The following RPL3L variants were observed in gnomAD, a reference collection of about 807,000 sequenced individuals.
The protein encoded by RPL3L is ribosomal protein L3 like.
A neutral mutation model predicts 44.5 loss-of-function variants in RPL3L; 44 were observed. The observed-to-expected ratio is 0.99, with a 90% CI of 0.78 to 1.27. The LOEUF (loss-of-function observed/expected upper bound fraction) is 1.27, where lower values mean the gene tolerates loss of function less well. Among genes scored for constraint, RPL3L ranks in the 50% most tolerant of loss-of-function variants. The pLI is 0.00. For synonymous variants in RPL3L, 292 were observed against 230.7 expected (o/e 1.27, Z -2.41); for missense variants, 631 against 569.1 (o/e 1.11, Z -1.11).
rs71394716 is a variant in RPL3L, at chr16:1,951,726, CATTATTATT to C, written c.366-756_366-748del. On this transcript the variant is annotated intron_variant, in intron 3 of 9. Coordinates refer to ENST00000268661, the MANE Select transcript of RPL3L (RefSeq NM_005061.3). ...CCTCAGCAGAGTTCTGGGAGGTGGA[CATTATTATT>C]ATTATTATTATTATTATTATTATTA... Among the ~76,000 whole-genome samples, 267 of 138,034 alleles carry C rather than the reference CATTATTATT, an allele frequency of 1.9e-3. 2 individuals carry two copies. Among genetic ancestry groups the C allele is most frequent in the South Asian group, 3.9e-3 (16 of 4,114 alleles). 90.6% of individuals were successfully genotyped at this position (138,034 alleles called of 152,430 possible).
chr16:1,951,943 T>G (rs2083174385), intron 3 of RPL3L, among the ~76,000 whole-genome samples: 1 of 151,472 alleles, frequency 6.6e-6, no homozygotes, highest in Non-Finnish European at 1.5e-5. Context: ...AAATTAGCCT[T>G]TTGGTTTTTT....
intron 2 of RPL3L, 59 bp from the exon 3 acceptor site, chr16:1,953,101 G>C (rs764816940): frequency 1.6e-4 from 243 of 1,526,106 alleles, no homozygotes; most frequent in Non-Finnish European, 2.1e-4. Context: ...GTGGGGGAGG[G>C]AGTGGAGAGC....
chr16:1,945,369 A>AAAG (rs2083113121), intron 9 of RPL3L, 130 bp downstream of exon 9: 1 of 854,830 alleles, frequency 1.2e-6, no homozygotes, highest in African/African-American at 1.9e-5. Flanking sequence ...AATAAAATAA[A>AAAG]TAAAAAAAAA....
rs768473696 is a variant in RPL3L, at chr16:1,952,958, G to A, written c.281C>T (p.Ala94Val). The A allele has an allele frequency of 1.7e-5, 27 of 1,613,564 alleles. No individual in the cohort carries two copies. Among genetic ancestry groups the A allele is most frequent in the South Asian group, 1.1e-4 (10 of 91,064 alleles). ...LVVVGVVGYV[A>V]TPRGLRSFKT... The stretch of plus-strand genomic sequence containing the variant: ...GAAGCTCCGGAGACCTCGAGGGGTG[G>A]CCACGTAGCCCACCACGCCCACCAC... Residue 94 changes from alanine to valine, a missense_variant, in exon 3 of 10, where the codon GCC becomes GTC. Ala to Val is a moderately conservative substitution (Grantham distance 64). Transcript: ENST00000268661.
rs1273312101 is a variant in RPL3L at position 1,952,943 on chromosome 16, A to G, written c.296T>C (p.Leu99Pro). Residue 99 changes from leucine (L) to proline (P), a missense_variant, in exon 3 of 10, where the codon CTC becomes CCC. By Grantham distance (98) the Leu-to-Pro change is moderately conservative. Coordinates refer to ENST00000268661, the MANE Select transcript of RPL3L (RefSeq NM_005061.3). ...VVGYVATPRG[L>P]RSFKTIFAEH... ...TGCAAAGATGGTCTTGAAGCTCCGG[A>G]GACCTCGAGGGGTGGCCACGTAGCC... 1 of 1,613,912 alleles carries G rather than the reference A, an allele frequency of 6.2e-7. No individual in the cohort carries two copies. Among genetic ancestry groups the G allele is most frequent in the Non-Finnish European group, 8.5e-7 (1 of 1,179,980 alleles).
In RPL3L at chr16:1,945,873, T is replaced by C. The variant is rs1371363012; in HGVS notation, c.1009A>G (p.Ile337Val). Reference protein sequence around the residue: ...NNDFVMLKGCIAGTKKRVITL... With the variant: ...NNDFVMLKGCVAGTKKRVITL... The stretch of plus-strand genomic sequence containing the variant: ...ATGACCCGCTTCTTGGTACCAGCAA[T>C]ACAACCCTTCAGCATGACGAAGTCG... Residue 337 changes from isoleucine (I) to valine (V), a missense_variant, in exon 8 of 10, where the codon ATT (isoleucine) becomes GTT (valine). By Grantham distance (29) the Ile-to-Val change is conservative. Coordinates refer to ENST00000268661, the MANE Select transcript of RPL3L (RefSeq NM_005061.3). 7 of 1,613,972 alleles carry C rather than the reference T, an allele frequency of 4.3e-6. No individual in the cohort carries two copies. The highest frequency in any genetic ancestry group is 4.2e-6 in the Non-Finnish European group (5 of 1,179,982).
At chr16:1,949,784 C>A (rs1452138122) in intron 4 of RPL3L, among the ~76,000 whole-genome samples, 1 of 40,422 alleles carries the variant, frequency 2.5e-5, no homozygotes. Context: ...ATGTAGGGGG[C>A]AGGTATGGAC....
At position 1,944,553 on chromosome 16, in the gene RPL3L, A is replaced by G. The variant is rs1358000768; in HGVS notation, c.*284T>C. 1 of 302,694 alleles carries G rather than the reference A, an allele frequency of 3.3e-6. No homozygotes were observed. Among genetic ancestry groups the G allele is most frequent in the Non-Finnish European group, 6.2e-6 (1 of 160,270 alleles). 18.8% of individuals were successfully genotyped at this position (302,694 alleles called of 1,614,324 possible). On this transcript the variant is annotated 3_prime_UTR_variant, in exon 10 of 10. Coordinates refer to ENST00000268661, the MANE Select transcript of RPL3L (RefSeq NM_005061.3). ...AGATCAAGACTCTCTCAAAAAAAAA[A>G]AAAAAAAAAACCTCTGCTCCGCAAA...
chr16:1,954,559 A>G, intron 1 of RPL3L, 70 bp downstream of exon 1: 1 of 1,484,658 alleles, frequency 6.7e-7, no homozygotes. Flanking sequence ...AGCATCCAGA[A>G]GCCCAGCTGT....
Position 1,945,570 on chromosome 16 carries a change from T to C in RPL3L, c.1096A>G (p.Lys366Glu), listed in dbSNP as rs1291728527. 3 of 1,613,464 alleles carry C rather than the reference T, an allele frequency of 1.9e-6. No homozygotes were observed. The highest frequency in any genetic ancestry group is 2.7e-5 in the African/African-American group (2 of 74,832). The change falls in exon 9 of 10, where the codon AAG (lysine) becomes GAG (glutamate). Residue 366 changes from lysine (K) to glutamate (E), a missense_variant. Lys to Glu is a moderately conservative substitution (Grantham distance 56, BLOSUM62 1). Coordinates refer to ENST00000268661, the MANE Select transcript of RPL3L (RefSeq NM_005061.3). ...SRQAVENIEL[K>E]FIDTTSKFGH... The stretch of plus-strand genomic sequence containing the variant: ...AACTTGGAGGTGGTGTCAATGAACT[T>C]GAGCTCAATATTCTCCACGGCTTGG...
At chr16:1,947,628 G>A (rs951462759) in intron 4 of RPL3L, among the ~76,000 whole-genome samples, 1 of 152,216 alleles carries the variant, frequency 6.6e-6, no homozygotes, top group South Asian at 2.1e-4. Context: ...AGTAACTCTT[G>A]GAGAGGACAG....
At chr16:1,951,853 T>C (rs533728585) in intron 3 of RPL3L, among the ~76,000 whole-genome samples, 1 of 151,606 alleles carries the variant, frequency 6.6e-6, no homozygotes, top group African/African-American at 2.4e-5. Flanking sequence ...TACCTTTCTA[T>C]GTGTAAGAGC....
intron 4 of RPL3L, among the ~76,000 whole-genome samples, chr16:1,947,987 G>C (rs2083137557): frequency 6.7e-6 from 1 of 149,564 alleles, no homozygotes; most frequent in Non-Finnish European, 1.5e-5. Context: ...GCCCAGGCTG[G>C]AGTGCAATGG....
At chr16:1,949,705 C>T (rs443784) in intron 4 of RPL3L, among the ~76,000 whole-genome samples, 13 of 109,544 alleles carry the variant, frequency 1.2e-4, no homozygotes, top group Admixed American at 1.1e-3. Context: ...CAGGTATGTA[C>T]GGGGCAGGTA....
At position 1,944,730 on chromosome 16, in the gene RPL3L, CG is replaced by C. The variant is rs1278166378; in HGVS notation, c.*106del. The C allele has an allele frequency of 5.0e-6, 7 of 1,410,580 alleles. No homozygotes were observed. The highest frequency in any genetic ancestry group is 7.0e-6 in the Non-Finnish European group (7 of 998,268). The allele number at this position is 1,410,580 out of a possible 1,614,324, so 87.4% of individuals were successfully genotyped here. On this transcript the variant is annotated 3_prime_UTR_variant, in exon 10 of 10. Transcript: ENST00000268661. ...CAGCAGGCAAGGTGAACCCCTTGGG[CG>C]GTTACACAGCGCTCTGAGACCTCGC...
chr16:1,945,802 C>T (rs755866179), intron 8 of RPL3L, 33 bp downstream of exon 8: 14 of 1,612,130 alleles, frequency 8.7e-6, no homozygotes, highest in South Asian at 7.7e-5. Flanking sequence ...AGCCCTCGGG[C>T]ACCCACTCCC....
intron 4 of RPL3L, 80 bp downstream of exon 4, chr16:1,950,764 C>T (rs961931689): frequency 2.8e-5 from 45 of 1,604,686 alleles, no homozygotes; most frequent in Non-Finnish European, 4.3e-6. Flanking sequence ...TTTAGGCTGA[C>T]ATTTGCCACA....
intron 4 of RPL3L, among the ~76,000 whole-genome samples, chr16:1,949,429 T>G (rs2083153045): frequency 6.6e-6 from 1 of 151,698 alleles, no homozygotes; most frequent in Non-Finnish European, 1.5e-5. Context: ...TTGTTTGTAT[T>G]TTTACTAGAG....
At chr16:1,947,774 C>T (rs1394350363) in intron 4 of RPL3L, among the ~76,000 whole-genome samples, 2 of 152,018 alleles carry the variant, frequency 1.3e-5, no homozygotes, top group Admixed American at 1.3e-4. Flanking sequence ...CAGCAGGACC[C>T]CGCATTTGCA....
Sources: gnomAD v4.1 joint callset for allele counts (sites outside exome capture counted in the v4.1 genomes callset) on GRCh38, gnomAD v4.1.1 for gene constraint, MANE v1.5 for transcripts, NCBI Gene and HGNC (gene_info 2026-07-23, HGNC 2026-07-21) for gene names.